The following SV2B variants were observed in gnomAD, a reference collection of about 807,000 sequenced individuals.
SV2B encodes solute carrier family 22 member B2.
Under a neutral mutation model 73.9 loss-of-function variants are expected in SV2B, and 41 were observed. The observed-to-expected ratio is 0.56, with a 90% CI of 0.43 to 0.72. SV2B has a LOEUF of 0.72. Among genes scored for constraint, SV2B ranks in the 30% least tolerant of loss-of-function variants. The pLI is 0.00. For synonymous variants in SV2B, 314 were observed against 314.2 expected (o/e 1.00, Z 0.01); for missense variants, 764 against 857.8 (o/e 0.89, Z 1.37).
chr15:91,220,601 T>G lies in SV2B; in HGVS notation c.-391-5272T>G, dbSNP rs1366559259. ...GAGTTTGCTGCACAATGATTTTGAG[T>G]CATATAGCATAGATGCGGAGGCTAA... is the stretch of plus-strand genomic sequence containing the variant. On this transcript the variant is annotated intron_variant, in intron 1 of 12. Coordinates refer to ENST00000394232, the MANE Select transcript of SV2B (RefSeq NM_001323032.3). This position sits in a 1 kb window ranked among gnomAD's most constrained non-coding sequence, Gnocchi z 4.1. Among the ~76,000 whole-genome samples the G allele has an allele frequency of 6.6e-6, 1 of 152,240 alleles. No homozygotes were observed. Among genetic ancestry groups the G allele is most frequent in the South Asian group, 2.1e-4 (1 of 4,834 alleles).
rs751845057 is a variant in SV2B at position 91,292,374 on chromosome 15, C to G, written c.1874C>G (p.Thr625Arg). 1 of 1,613,664 alleles carries G rather than the reference C, an allele frequency of 6.2e-7. No homozygotes were observed. Among genetic ancestry groups the G allele is most frequent in the East Asian group, 2.2e-5 (1 of 44,862 alleles). The part of the protein sequence containing the change: ...VELYPTNQRA[T>R]AFGILNGLCK... Reference sequence around the variant, plus strand: ...TTTCCATTCCTCTTTTACAGAGCAACAGCCTTCGGCATTCTCAATGGATTA... The same window carrying G: ...TTTCCATTCCTCTTTTACAGAGCAAGAGCCTTCGGCATTCTCAATGGATTA... Residue 625 changes from threonine (T) to arginine (R), a missense_variant, in exon 13 of 13, where the codon ACA (threonine) becomes AGA (arginine). Physicochemically the swap from Thr to Arg is moderately conservative, Grantham distance 71 (BLOSUM62 -1). Coordinates refer to ENST00000394232, the MANE Select transcript of SV2B (RefSeq NM_001323032.3).
intron 1 of SV2B, among the ~76,000 whole-genome samples, chr15:91,194,787 C>T (rs1441150227): frequency 1.3e-5 from 2 of 152,164 alleles, no homozygotes; most frequent in Non-Finnish European, 2.9e-5. Flanking sequence ...ACTTGATGTC[C>T]CCCTCTGTGG....
chr15:91,149,499 T>C (rs1331338480), intron 1 of SV2B, among the ~76,000 whole-genome samples: 1 of 152,222 alleles, frequency 6.6e-6, no homozygotes, highest in Non-Finnish European at 1.5e-5. Flanking sequence ...ACATTTTCTG[T>C]GGGCACAACC....
intron 9 of SV2B, among the ~76,000 whole-genome samples, chr15:91,278,326 G>A (rs2048561260): frequency 3.3e-5 from 5 of 152,028 alleles, no homozygotes; most frequent in Admixed American, 1.3e-4. Flanking sequence ...AGTTCTGAAA[G>A]TTAGACTCTT....
chr15:91,143,124 A>G (rs2043044918), intron 1 of SV2B, among the ~76,000 whole-genome samples: 1 of 152,148 alleles, frequency 6.6e-6, no homozygotes, highest in Admixed American at 6.5e-5. Flanking sequence ...GTCCACTCTC[A>G]TGGGAGGTAT....
At chr15:91,133,044 G>A (rs1197942149) in intron 1 of SV2B, among the ~76,000 whole-genome samples, 1 of 152,198 alleles carries the variant, frequency 6.6e-6, no homozygotes, top group Middle Eastern at 3.2e-3. Context: ...ACACCCCCAT[G>A]AGGGAGGCCA....
intron 1 of SV2B, among the ~76,000 whole-genome samples, chr15:91,145,330 T>A (rs1421254491): frequency 6.6e-6 from 1 of 152,254 alleles, no homozygotes; most frequent in Non-Finnish European, 1.5e-5. Context: ...CCATTCTTTT[T>A]ATGGCTGCAT....
chr15:91,166,033 CA>C (rs1308887348), intron 1 of SV2B, among the ~76,000 whole-genome samples: 1 of 152,112 alleles, frequency 6.6e-6, no homozygotes, highest in Non-Finnish European at 1.5e-5. Context: ...AAAAAGGTTC[CA>C]TTGTTTTCTG....
intron 2 of SV2B, among the ~76,000 whole-genome samples, chr15:91,230,466 A>G (rs1336640898): frequency 6.6e-6 from 1 of 152,152 alleles, no homozygotes. Flanking sequence ...TGACAAAAAT[A>G]TCTGGGTGCT....
chr15:91,203,122 T>C (rs1168397096), intron 1 of SV2B, among the ~76,000 whole-genome samples: 1 of 152,186 alleles, frequency 6.6e-6, no homozygotes, highest in East Asian at 1.9e-4. Flanking sequence ...CTAGTGCCCA[T>C]TGAATACAGA....
intron 1 of SV2B, among the ~76,000 whole-genome samples, chr15:91,127,496 C>T (rs1449357346): frequency 6.6e-6 from 1 of 152,096 alleles, no homozygotes; most frequent in African/African-American, 2.4e-5. Flanking sequence ...TCTTCTATCC[C>T]TCAGCAGGAA....
intron 1 of SV2B, among the ~76,000 whole-genome samples, chr15:91,127,484 G>A (rs976737579): frequency 1.4e-4 from 21 of 152,064 alleles, no homozygotes; most frequent in Admixed American, 1.4e-3. Context: ...CTGTCCGGCC[G>A]CTCTTCTATC....
intron 1 of SV2B, among the ~76,000 whole-genome samples, chr15:91,203,588 T>TTA (rs1289337840): frequency 6.6e-6 from 1 of 152,254 alleles, no homozygotes; most frequent in Admixed American, 6.5e-5. Context: ...GGCAATCTTG[T>TTA]TACGGTTTAG....
Position 91,110,261 on chromosome 15 carries a change from A to G in SV2B, c.-392+9898A>G, listed in dbSNP as rs146511751. On this transcript the variant is annotated intron_variant, in intron 1 of 12. Coordinates refer to ENST00000394232, the MANE Select transcript of SV2B (RefSeq NM_001323032.3). This position sits in a 1 kb window ranked among gnomAD's most constrained non-coding sequence, Gnocchi z 5.4. ...GATTCATACAGTAAGTTAATGATGGAGAGAGGGTCAAAGCTCAGGTCGGGG... is the reference window on the plus strand; with the variant it reads ...GATTCATACAGTAAGTTAATGATGGGGAGAGGGTCAAAGCTCAGGTCGGGG... Among the ~76,000 whole-genome samples the G allele has an allele frequency of 0.023, 3,440 of 152,296 alleles. 61 individuals carry two copies. Among genetic ancestry groups the G allele is most frequent in the Non-Finnish European group, 0.036 (2,454 of 68,016 alleles).
chr15:91,175,521 T>C (rs2044272571), intron 1 of SV2B, among the ~76,000 whole-genome samples: 1 of 152,158 alleles, frequency 6.6e-6, no homozygotes, highest in South Asian at 2.1e-4. Flanking sequence ...CCCAAAGTGC[T>C]GGGATTACAG....
In SV2B at chr15:91,226,231, C is replaced by T; in HGVS notation, c.-33C>T. On this transcript the variant is annotated 5_prime_UTR_variant, in exon 2 of 13. Transcript: ENST00000394232. ...CTACCACAGAGCGAGGGATATAGCT[C>T]AAGGGGCAACCAGGCAGTCGCAGAA... 1 of 1,610,022 alleles carries T rather than the reference C, an allele frequency of 6.2e-7. No homozygotes were observed. Among genetic ancestry groups the T allele is most frequent in the Non-Finnish European group, 8.5e-7 (1 of 1,176,982 alleles).
In SV2B at chr15:91,290,635, T is replaced by G. The variant is rs1480867024; in HGVS notation, c.1868+955T>G. Among the ~76,000 whole-genome samples, 1 of 152,162 alleles carries G rather than the reference T, an allele frequency of 6.6e-6. No individual in the cohort carries two copies. The highest frequency in any genetic ancestry group is 6.5e-5 in the Admixed American group (1 of 15,276). On this transcript the variant is annotated intron_variant, in intron 12 of 12. Coordinates refer to ENST00000394232, the MANE Select transcript of SV2B (RefSeq NM_001323032.3). This position sits in a 1 kb window ranked among gnomAD's most constrained non-coding sequence, Gnocchi z 4.7. Reference sequence around the variant, plus strand: ...GATGCAATTGATATCCATTTAATAATGGCAGACGTCATAAAATAATTAGGG... The same window carrying G: ...GATGCAATTGATATCCATTTAATAAGGGCAGACGTCATAAAATAATTAGGG...
At chr15:91,169,834 A>G (rs148612461) in intron 1 of SV2B, among the ~76,000 whole-genome samples, 11 of 152,340 alleles carry the variant, frequency 7.2e-5, no homozygotes, top group African/African-American at 2.4e-4. Flanking sequence ...GAGCTGAGAT[A>G]TGAGAAAGAA....
chr15:91,279,287 T>A (rs62026636), intron 9 of SV2B, among the ~76,000 whole-genome samples: 13,265 of 152,308 alleles, frequency 0.087, 686 homozygotes, highest in Non-Finnish European at 0.12. Context: ...GCCTAACACA[T>A]GTTGAATGTG....
Sources: gnomAD v4.1 joint callset for allele counts (sites outside exome capture counted in the v4.1 genomes callset) on GRCh38, gnomAD v4.1.1 for gene constraint, Gnocchi (gnomAD v3.1) non-coding constraint, MANE v1.5 for transcripts, NCBI Gene and HGNC (gene_info 2026-07-23, HGNC 2026-07-21) for gene names.